The following THSD7B variants were observed in gnomAD, a reference collection of about 807,000 sequenced individuals.
The protein encoded by THSD7B is thrombospondin type-1 domain-containing protein 7B.
Under a neutral mutation model 213.6 loss-of-function variants are expected in THSD7B, and 138 were observed. That is an observed-to-expected ratio of 0.65 (90% CI 0.56 to 0.74). The LOEUF is 0.74. Ranked by LOEUF, THSD7B falls within the 30% of genes least tolerant of loss-of-function variation. THSD7B has a pLI of 0.00. For synonymous variants in THSD7B, 742 were observed against 687.0 expected, an observed-to-expected ratio of 1.08 and a Z score of -1.25; for missense variants, 1,931 against 1,991.5, an observed-to-expected ratio of 0.97 and a Z score of 0.58.
chr2:137,158,529 A>T (rs1203336731), intron 5 of THSD7B, among the ~76,000 whole-genome samples: 1 of 152,180 alleles, frequency 6.6e-6, no homozygotes, highest in African/African-American at 2.4e-5. Flanking sequence ...GGTAAACTGG[A>T]AAAGAATTAA....
chr2:137,449,227 A>T (rs2105063843), intron 14 of THSD7B, among the ~76,000 whole-genome samples: 1 of 152,224 alleles, frequency 6.6e-6, no homozygotes, highest in South Asian at 2.1e-4. Context: ...CTGACAAAGG[A>T]GTTGTGGAAT....
intron 1 of THSD7B, among the ~76,000 whole-genome samples, chr2:136,812,428 G>C (rs1400109321): frequency 6.6e-6 from 1 of 152,124 alleles, no homozygotes; most frequent in Admixed American, 6.6e-5. Flanking sequence ...TAATATAAAA[G>C]CACATTTTTA....
intron 20 of THSD7B, 60 bp downstream of exon 20, chr2:137,620,786 G>T: frequency 7.3e-7 from 1 of 1,371,404 alleles, no homozygotes; most frequent in East Asian, 2.3e-5. Context: ...CATTCAGTAT[G>T]CCATAGCTTG....
In THSD7B at chr2:137,216,557, C is replaced by T. The variant is rs1469038329; in HGVS notation, c.1724-14487C>T. Among the ~76,000 whole-genome samples the T allele has an allele frequency of 4.6e-5, 7 of 152,184 alleles. No homozygotes were observed. In the South Asian group the frequency reaches 1.2e-3, roughly 27 times the overall value. ...TTATAGGGATCCTGTCACTGCCTGG[C>T]AGTAAACATGGTATGATTACTTCTG... On this transcript the variant is annotated intron_variant, in intron 7 of 27. Transcript: ENST00000409968.
chr2:137,117,563 A>T (rs1228834751), intron 5 of THSD7B, among the ~76,000 whole-genome samples: 1 of 152,108 alleles, frequency 6.6e-6, no homozygotes, highest in African/African-American at 2.4e-5. Flanking sequence ...GTCACTATTG[A>T]CATCCCCACA....
At chr2:136,825,718 A>ATTTTTTTTTTTTTTGTTTTTTT (rs759978910) in intron 1 of THSD7B, among the ~76,000 whole-genome samples, 2,913 of 116,486 alleles carry the variant, frequency 0.025, 201 homozygotes, top group East Asian at 0.19. Flanking sequence ...TGCCTGGCTA[A>ATTTTTTTTTTTTTTGTTTTTTT]TTTTTTTTTT....
At chr2:137,617,261 T>A (rs1478573187) in intron 18 of THSD7B, among the ~76,000 whole-genome samples, 1 of 152,236 alleles carries the variant, frequency 6.6e-6, no homozygotes, top group East Asian at 1.9e-4. Flanking sequence ...CTGATTTTAC[T>A]ATACATGGGT....
At chr2:137,262,804 C>T (rs1682483252) in intron 10 of THSD7B, among the ~76,000 whole-genome samples, 1 of 152,118 alleles carries the variant, frequency 6.6e-6, no homozygotes, top group Non-Finnish European at 1.5e-5. Context: ...CATGCTAATA[C>T]TTCAGCTCCA....
At chr2:137,440,948 G>T (rs936765850) in intron 14 of THSD7B, among the ~76,000 whole-genome samples, 1 of 152,064 alleles carries the variant, frequency 6.6e-6, no homozygotes, top group African/African-American at 2.4e-5. Flanking sequence ...CTGATGCTTA[G>T]GATTCATTGT....
At chr2:137,361,116 C>T (rs949043541) in intron 12 of THSD7B, among the ~76,000 whole-genome samples, 5 of 152,136 alleles carry the variant, frequency 3.3e-5, no homozygotes, top group Admixed American at 3.3e-4. Context: ...CAGCAAACTC[C>T]AACAGACCTG....
rs183253353 is a variant in THSD7B at position 137,316,737 on chromosome 2, G to A, written c.2500+40711G>A. 5.8e-4 allele frequency among the ~76,000 whole-genome samples: 83 copies of A among 141,966 alleles called. 2 individuals are homozygous for A. In the East Asian group the frequency reaches 0.014, roughly 24 times the overall value. 93.1% of individuals were successfully genotyped at this position (141,966 alleles called of 152,430 possible). A position where few individuals can be genotyped will look rare whatever the true frequency, so the allele number is the denominator to read the frequency against. On this transcript the variant is annotated intron_variant, in intron 12 of 27. Transcript: ENST00000409968. ...GGTGCCACTGCACTCCAGCCTGGGC[G>A]ACAGAGCGAGACTCTGTCTCAAAAA... is the stretch of plus-strand genomic sequence containing the variant.
intron 17 of THSD7B, among the ~76,000 whole-genome samples, chr2:137,577,269 A>G (rs1681484089): frequency 6.6e-6 from 1 of 152,136 alleles, no homozygotes; most frequent in Admixed American, 6.6e-5. Context: ...TATTACTTCC[A>G]GAACCATATG....
chr2:136,927,467 CT>C (rs1200926563), intron 2 of THSD7B, among the ~76,000 whole-genome samples: 1 of 152,152 alleles, frequency 6.6e-6, no homozygotes, highest in Non-Finnish European at 1.5e-5. Flanking sequence ...GAACCTACAT[CT>C]TTTGACATTT....
intron 20 of THSD7B, among the ~76,000 whole-genome samples, chr2:137,623,637 G>C (rs1682565351): frequency 6.6e-6 from 1 of 152,082 alleles, no homozygotes; most frequent in South Asian, 2.1e-4. Flanking sequence ...AAAATCTCAG[G>C]ATACAAAATC....
intron 3 of THSD7B, among the ~76,000 whole-genome samples, chr2:137,078,337 T>C (rs983339374): frequency 6.6e-6 from 1 of 152,168 alleles, no homozygotes; most frequent in Non-Finnish European, 1.5e-5. Flanking sequence ...TTTGAATTTT[T>C]GCCATATGTA....
intron 12 of THSD7B, among the ~76,000 whole-genome samples, chr2:137,392,669 A>G (rs986853202): frequency 3.9e-5 from 6 of 152,060 alleles, no homozygotes; most frequent in Admixed American, 3.9e-4. Flanking sequence ...TAAGCAATAT[A>G]TGGTTGGATC....
chr2:136,775,747 G>C (rs901120697), intron 1 of THSD7B, among the ~76,000 whole-genome samples: 1 of 152,064 alleles, frequency 6.6e-6, no homozygotes, highest in Non-Finnish European at 1.5e-5. Flanking sequence ...AATTAGAAAT[G>C]CTATATAAGC....
intron 12 of THSD7B, among the ~76,000 whole-genome samples, chr2:137,402,913 A>G (rs541553045): frequency 6.6e-6 from 1 of 151,288 alleles, no homozygotes; most frequent in African/African-American, 2.4e-5. Flanking sequence ...GTCATTTTGG[A>G]AAAAAAAATT....
At chr2:136,828,997 A>C (rs1279873952) in intron 1 of THSD7B, among the ~76,000 whole-genome samples, 2 of 152,156 alleles carry the variant, frequency 1.3e-5, no homozygotes, top group African/African-American at 2.4e-5. Context: ...TATTTCTTCT[A>C]TGAACTCTTT....
Sources: allele counts gnomAD v4.1 joint callset (sites outside exome capture counted in the v4.1 genomes callset), GRCh38; gene constraint gnomAD v4.1.1; transcripts MANE v1.5; gene names NCBI Gene and HGNC (gene_info 2026-07-23, HGNC 2026-07-21).